Variants in PLAC9 observed in about 807,000 individuals in gnomAD.
PLAC9 encodes the protein placenta associated 9.
Under a neutral mutation model 11.5 loss-of-function variants are expected in PLAC9, and 12 were observed. The observed-to-expected ratio is 1.05, with a 90% CI of 0.67 to 1.69. PLAC9 has a LOEUF of 1.69. Ranked by LOEUF, PLAC9 falls within the 40% of genes most tolerant of loss-of-function variation. The probability of loss-of-function intolerance (pLI) is 0.00; values close to 1 mark genes in which losing one functional copy is unlikely to be tolerated. For synonymous variants in PLAC9, 62 were observed against 58.1 expected (o/e 1.07, Z -0.31); for missense variants, 132 against 130.5 (o/e 1.01, Z -0.06).
chr10:80,138,804 G>C (rs958704453), intron 1 of PLAC9, among the ~76,000 whole-genome samples: 11 of 152,072 alleles, frequency 7.2e-5, no homozygotes, highest in African/African-American at 2.7e-4. Context: ...CCAATACCAA[G>C]GCCTTACAGC....
chr10:80,142,166 A>T lies in PLAC9; in HGVS notation c.149A>T (p.Asp50Val), dbSNP rs1296503689. 6.2e-7 allele frequency: 1 copy of T among 1,606,378 alleles called. No homozygotes were observed. The highest frequency in any genetic ancestry group is 2.2e-5 in the East Asian group (1 of 44,570). ...DRHMAVQRRLDVMEEMVEKTV... is the reference protein window; with the variant it reads ...DRHMAVQRRLVVMEEMVEKTV... Reference sequence around the variant, plus strand: ...CACATGGCTGTGCAACGCCGTCTAGATGTCATGGAGGAGGTAACAGGGTGG... The same window carrying T: ...CACATGGCTGTGCAACGCCGTCTAGTTGTCATGGAGGAGGTAACAGGGTGG... Residue 50 changes from aspartate (D) to valine (V), a missense_variant, in exon 2 of 4, where the codon GAT (aspartate) becomes GTT (valine). Transcript: ENST00000372263.
chr10:80,143,189 C>G (rs535035479), intron 2 of PLAC9, among the ~76,000 whole-genome samples: 9 of 151,730 alleles, frequency 5.9e-5, no homozygotes, highest in Admixed American at 1.3e-4. Flanking sequence ...CAGGCATGCA[C>G]CACCATGCCC....
Position 80,132,820 on chromosome 10 carries a change from T to G in PLAC9, c.58T>G (p.Leu20Val). 1.3e-6 allele frequency: 2 copies of G among 1,496,184 alleles called. No individual in the cohort carries two copies. The highest frequency in any genetic ancestry group is 5.6e-5 in the East Asian group (2 of 35,942). The allele number at this position is 1,496,184 out of a possible 1,614,324, so 92.7% of individuals were successfully genotyped here. Residue 20 changes from leucine (L) to valine (V), a missense_variant, in exon 1 of 4, where the codon TTG becomes GTG. Physicochemically the swap from Leu to Val is conservative, Grantham distance 32. Transcript: ENST00000372263. ...GGCCCTGCTCCGCGCCGCGGGCTCT[T>G]TGGCCGGTGAGTGGGGCGCAGGGCG... ...GLALLRAAGS[L>V]AAAEPFSPPR...
chr10:80,138,040 G>C (rs879921574), intron 1 of PLAC9, among the ~76,000 whole-genome samples: 6 of 152,136 alleles, frequency 3.9e-5, no homozygotes, highest in African/African-American at 9.7e-5. Context: ...CTCTCTCTCT[G>C]AATATTTTAC....
intron 3 of PLAC9, 101 bp from the exon 4 acceptor site, chr10:80,144,799 C>A: frequency 7.9e-7 from 1 of 1,259,528 alleles, no homozygotes; most frequent in Non-Finnish European, 1.1e-6. Context: ...GCAGTAGTTC[C>A]TGGGGGCCGG....
At chr10:80,140,793 T>G (rs779891572) in intron 1 of PLAC9, among the ~76,000 whole-genome samples, 2 of 152,170 alleles carry the variant, frequency 1.3e-5, no homozygotes, top group Admixed American at 6.5e-5. Flanking sequence ...CCTCCCAAAG[T>G]GCTGGGATTA....
intron 1 of PLAC9, among the ~76,000 whole-genome samples, chr10:80,139,098 C>A (rs1225200464): frequency 3.3e-5 from 5 of 151,844 alleles, no homozygotes; most frequent in Non-Finnish European, 7.4e-5. Flanking sequence ...ACTACAGGTG[C>A]CCACCGCCAC....
chr10:80,142,368 C>T (rs1453925422), intron 2 of PLAC9, among the ~76,000 whole-genome samples, 189 bp downstream of exon 2: 1 of 152,134 alleles, frequency 6.6e-6, no homozygotes, highest in African/African-American at 2.4e-5. Flanking sequence ...ACCCTGCCTC[C>T]CCTAAGGCCT....
chr10:80,136,451 C>T (rs575728505), intron 1 of PLAC9, among the ~76,000 whole-genome samples: 43 of 152,162 alleles, frequency 2.8e-4, no homozygotes, highest in Non-Finnish European at 4.9e-4. Context: ...GGTGCATGTG[C>T]GTGTCTACTA....
rs763231999 is a variant in PLAC9 at position 80,132,781 on chromosome 10, G to C, written c.19G>C (p.Ala7Pro). 6.7e-7 allele frequency: 1 copy of C among 1,496,808 alleles called. No individual in the cohort carries two copies. The highest frequency in any genetic ancestry group is 1.4e-5 in the African/African-American group (1 of 69,044). 92.7% of individuals were successfully genotyped at this position (1,496,808 alleles called of 1,614,324 possible). A position where few individuals can be genotyped will look rare whatever the true frequency, so the allele number is the denominator to read the frequency against. Residue 7 changes from alanine (A) to proline (P), a missense_variant, in exon 1 of 4, where the codon GCG (alanine) becomes CCG (proline). Transcript: ENST00000372263. ...CGGCACCATGCGGCCCCTGCTCTGCGCGCTGACCGGACTGGCCCTGCTCCG... is the reference window on the plus strand; with the variant it reads ...CGGCACCATGCGGCCCCTGCTCTGCCCGCTGACCGGACTGGCCCTGCTCCG... MRPLLC[A>P]LTGLALLRAA...
Position 80,144,226 on chromosome 10 carries a change from G to A in PLAC9, c.166G>A (p.Val56Ile). The change falls in exon 3 of 4, where the codon GTA (valine) becomes ATA (isoleucine). Residue 56 changes from valine to isoleucine, a missense_variant. Coordinates refer to ENST00000372263, the MANE Select transcript of PLAC9 (RefSeq NM_001012973.3). ...QRRLDVMEEM[V>I]EKTVDHLGTE... is the part of the protein sequence containing the mutation. ...TTTACCCCACTTCCCACTCTAGATG[G>A]TAGAGAAGACCGTGGATCACCTGGG... The A allele has an allele frequency of 6.2e-7, 1 of 1,614,116 alleles. No individual in the cohort carries two copies. Among genetic ancestry groups the A allele is most frequent in the Non-Finnish European group, 8.5e-7 (1 of 1,179,984 alleles).
chr10:80,132,717 G>A, upstream of PLAC9: 2 of 1,418,388 alleles, frequency 1.4e-6, no homozygotes, highest in South Asian at 1.4e-5. Flanking sequence ...ATCCGGGAAG[G>A]GCGGCTGCGG....
upstream of PLAC9, chr10:80,132,561 G>C: frequency 2.2e-6 from 1 of 449,516 alleles, no homozygotes; most frequent in Non-Finnish European, 3.9e-6. Flanking sequence ...CGGTGCCTCA[G>C]CTCCCGGGGT....
intron 1 of PLAC9, among the ~76,000 whole-genome samples, chr10:80,133,395 G>C (rs1190604351): frequency 2.0e-5 from 3 of 152,200 alleles, no homozygotes; most frequent in Non-Finnish European, 2.9e-5. Flanking sequence ...GGCTTTATAG[G>C]ACATTGCATA....
chr10:80,133,943 CA>C (rs61127711), intron 1 of PLAC9, among the ~76,000 whole-genome samples: 249 of 107,714 alleles, frequency 2.3e-3, no homozygotes, highest in African/African-American at 6.5e-3. Context: ...GACTCAGTTT[CA>C]AAAAAAAAAA....
rs947491522 is a variant in PLAC9, at chr10:80,144,132, C to G, written c.163-91C>G. On this transcript the variant is annotated intron_variant, in intron 2 of 3. Transcript: ENST00000372263. ...CCCAGTCCTTTCCCACTGCACCGCA[C>G]TGGACCGCCAGCTGCTCTCTTAGGA... is the stretch of plus-strand genomic sequence containing the variant. The G allele has an allele frequency of 9.5e-6, 15 of 1,580,112 alleles. No individual in the cohort carries two copies. In the African/African-American group the frequency reaches 1.9e-4, roughly 20 times the overall value.
chr10:80,132,844 C>A lies in PLAC9; in HGVS notation c.64+18C>A. 2 of 1,485,074 alleles carry A rather than the reference C, an allele frequency of 1.3e-6. No individual in the cohort carries two copies. Among genetic ancestry groups the A allele is most frequent in the Non-Finnish European group, 1.8e-6 (2 of 1,125,146 alleles). The allele number at this position is 1,485,074 out of a possible 1,614,324, so 92.0% of individuals were successfully genotyped here. ...TTTGGCCGGTGAGTGGGGCGCAGGG[C>A]GCGGCAGGGGACCTGGAGCCGGGGA... is the stretch of plus-strand genomic sequence containing the variant. On this transcript the variant is annotated intron_variant, in intron 1 of 3. Transcript: ENST00000372263.
At chr10:80,138,040 G>A (rs879921574) in intron 1 of PLAC9, among the ~76,000 whole-genome samples, 1 of 152,136 alleles carries the variant, frequency 6.6e-6, no homozygotes, top group Non-Finnish European at 1.5e-5. Context: ...CTCTCTCTCT[G>A]AATATTTTAC....
In PLAC9 at chr10:80,141,779, C is replaced by T. The variant is rs141777431; in HGVS notation, c.65-303C>T. On this transcript the variant is annotated intron_variant, in intron 1 of 3. Transcript: ENST00000372263. ...TCCCTGCAGGTTTTGCACAGTGAGC[C>T]CTGCTCTTTCAGACCTCTCCATTGT... Among the ~76,000 whole-genome samples the T allele has an allele frequency of 2.0e-5, 3 of 152,236 alleles. No individual in the cohort carries two copies. The East Asian group carries it at 5.8e-4, about 29-fold the overall frequency.
Sources: allele counts gnomAD v4.1 joint callset (sites outside exome capture counted in the v4.1 genomes callset), GRCh38; gene constraint gnomAD v4.1.1; transcripts MANE v1.5; gene names NCBI Gene and HGNC (gene_info 2026-07-23, HGNC 2026-07-21).